BMPR1B: variants seen among roughly 807,000 people sequenced by gnomAD.
BMPR1B encodes bone morphogenetic protein receptor type-1B.
In BMPR1B, 12 loss-of-function variants were observed where a neutral mutation model predicts 59.1. The ratio of observed to expected loss-of-function variants is 0.20; its 90% CI spans 0.13 to 0.33. The LOEUF (loss-of-function observed/expected upper bound fraction) is 0.33, where lower values mean the gene tolerates loss of function less well. BMPR1B is among the 10% of genes least tolerant of loss of function. The pLI is 1.00. For missense variants in BMPR1B, 550 were observed against 610.9 expected, an observed-to-expected ratio of 0.90 and a Z score of 1.05; for synonymous variants, 237 against 207.3, an observed-to-expected ratio of 1.14 and a Z score of -1.23.
At chr4:94,822,630 C>T (rs1324385751) in intron 1 of BMPR1B, among the ~76,000 whole-genome samples, 3 of 152,048 alleles carry the variant, frequency 2.0e-5, no homozygotes, top group Non-Finnish European at 4.4e-5. Flanking sequence ...TGGGTGCTCC[C>T]TATCAGTGAT....
At chr4:94,771,507 G>C (rs1200969464) in intron 1 of BMPR1B, among the ~76,000 whole-genome samples, 2 of 152,160 alleles carry the variant, frequency 1.3e-5, no homozygotes, top group African/African-American at 4.8e-5. Context: ...ACAGAGAAAG[G>C]TTGATAATTA....
chr4:94,829,261 C>T (rs1216246565), intron 1 of BMPR1B, among the ~76,000 whole-genome samples: 2 of 151,888 alleles, frequency 1.3e-5, no homozygotes, highest in Non-Finnish European at 2.9e-5. Flanking sequence ...TCAATTTATT[C>T]CAATAGGGCA....
intron 1 of BMPR1B, among the ~76,000 whole-genome samples, chr4:94,799,727 G>C (rs1379978870): frequency 6.6e-6 from 1 of 151,588 alleles, no homozygotes; most frequent in Non-Finnish European, 1.5e-5. Flanking sequence ...GTCTCACTCT[G>C]TCACCCAGGC....
At chr4:94,949,994 G>C (rs1222770847) in intron 2 of BMPR1B, among the ~76,000 whole-genome samples, 1 of 152,218 alleles carries the variant, frequency 6.6e-6, no homozygotes, top group Non-Finnish European at 1.5e-5. Context: ...TAACTGGCGT[G>C]AGATGATATC....
chr4:94,885,078 A>C (rs1727119399), intron 2 of BMPR1B, among the ~76,000 whole-genome samples: 1 of 152,162 alleles, frequency 6.6e-6, no homozygotes, highest in Non-Finnish European at 1.5e-5. Context: ...GCTGACCAAA[A>C]ATGTGTTAAG....
At chr4:95,053,194 G>C (rs181543312) in intron 3 of BMPR1B, among the ~76,000 whole-genome samples, 98 of 151,940 alleles carry the variant, frequency 6.4e-4, no homozygotes, top group African/African-American at 2.2e-3. Flanking sequence ...TTCCAGTGAG[G>C]AAGTTGACAT....
At chr4:95,077,688 A>G (rs890821626) in intron 3 of BMPR1B, among the ~76,000 whole-genome samples, 4 of 152,146 alleles carry the variant, frequency 2.6e-5, no homozygotes, top group African/African-American at 7.2e-5. Context: ...GCTTTTCGTG[A>G]TTATATATCA....
intron 1 of BMPR1B, among the ~76,000 whole-genome samples, chr4:94,863,230 TA>T (rs1726071195): frequency 6.6e-6 from 1 of 152,150 alleles, no homozygotes; most frequent in South Asian, 2.1e-4. Context: ...AAAAACTACC[TA>T]TGCTTATTAC....
At chr4:94,851,845 A>T (rs1159433901) in intron 1 of BMPR1B, among the ~76,000 whole-genome samples, 1 of 152,160 alleles carries the variant, frequency 6.6e-6, no homozygotes, top group Non-Finnish European at 1.5e-5. Flanking sequence ...ACAAATTTTT[A>T]TTCTTTCCAA....
At chr4:95,045,840 C>G (rs1035812703) in intron 3 of BMPR1B, among the ~76,000 whole-genome samples, 5 of 152,090 alleles carry the variant, frequency 3.3e-5, no homozygotes, top group African/African-American at 1.2e-4. Context: ...TCAGTAGACA[C>G]GATCCCCCCA....
intron 2 of BMPR1B, among the ~76,000 whole-genome samples, chr4:94,994,794 G>T (rs949515255): frequency 2.0e-5 from 3 of 151,656 alleles, no homozygotes; most frequent in Non-Finnish European, 4.4e-5. Flanking sequence ...TAAGATTTTA[G>T]TAAGCTTTCA....
intron 1 of BMPR1B, among the ~76,000 whole-genome samples, chr4:94,768,299 CTT>C (rs1722042274): frequency 6.6e-6 from 1 of 151,954 alleles, no homozygotes; most frequent in African/African-American, 2.4e-5. Flanking sequence ...AACTTAATGT[CTT>C]TATTTCTTGA....
At chr4:94,801,727 TAAAC>T (rs10604028) in intron 1 of BMPR1B, among the ~76,000 whole-genome samples, 6,313 of 152,240 alleles carry the variant, frequency 0.041, 242 homozygotes, top group African/African-American at 0.1. Flanking sequence ...AACTAAAACT[TAAAC>T]TAAGTTTTTT....
intron 3 of BMPR1B, among the ~76,000 whole-genome samples, chr4:95,010,915 G>A (rs1723176397): frequency 6.6e-6 from 1 of 152,160 alleles, no homozygotes; most frequent in Non-Finnish European, 1.5e-5. Flanking sequence ...TGCTGGATAT[G>A]TGCCTTATAT....
intron 1 of BMPR1B, among the ~76,000 whole-genome samples, chr4:94,866,775 G>C (rs1223148948): frequency 1.3e-5 from 2 of 151,998 alleles, no homozygotes; most frequent in African/African-American, 4.8e-5. Context: ...GTAGAGATGG[G>C]GTTTCACCAT....
intron 3 of BMPR1B, among the ~76,000 whole-genome samples, chr4:95,030,676 C>A (rs1295198081): frequency 2.0e-4 from 30 of 152,176 alleles, no homozygotes; most frequent in African/African-American, 6.7e-4. Flanking sequence ...GCAAAGTCTC[C>A]AGATACAAAA....
At chr4:95,135,008 A>G (rs957756530) in intron 10 of BMPR1B, among the ~76,000 whole-genome samples, 3 of 152,142 alleles carry the variant, frequency 2.0e-5, no homozygotes, top group South Asian at 2.1e-4. Context: ...TCACATTTAA[A>G]TCTTTAATCC....
rs1243207361 is a variant in BMPR1B, at chr4:95,114,700, T to G, written c.144-20T>G. 9 of 1,590,038 alleles carry G rather than the reference T, an allele frequency of 5.7e-6. No homozygotes were observed. In the South Asian group the frequency reaches 9.9e-5, roughly 18 times the overall value. On this transcript the variant is annotated intron_variant, in intron 4 of 12. Transcript: ENST00000515059. ...CACACACACACATTCTGTTTCTCAC[T>G]TTGCTTGTTTGATCTTCAGCACAGA...
intron 1 of BMPR1B, among the ~76,000 whole-genome samples, chr4:94,815,967 A>G (rs1046896661): frequency 1.6e-4 from 25 of 152,146 alleles, no homozygotes; most frequent in Admixed American, 1.5e-3. Context: ...TAAAAAATGA[A>G]TATGTTTTTC....
Sources: gnomAD v4.1 joint callset for allele counts (sites outside exome capture counted in the v4.1 genomes callset) on GRCh38, gnomAD v4.1.1 for gene constraint, MANE v1.5 for transcripts, NCBI Gene and HGNC (gene_info 2026-07-23, HGNC 2026-07-21) for gene names.